Variants in CYB5R4 observed in about 807,000 individuals in gnomAD.
The protein encoded by CYB5R4 is N-terminal cytochrome b5 and cytochrome b5 oxidoreductase domain-containing protein.
In CYB5R4, 55 loss-of-function variants were observed where a neutral mutation model predicts 70.2. That is an observed-to-expected ratio of 0.78 (90% CI 0.63 to 0.98). CYB5R4 has a LOEUF of 0.98. Among genes scored for constraint, CYB5R4 ranks in the 50% least tolerant of loss-of-function variants. The pLI is 0.00. For synonymous variants in CYB5R4, 197 were observed against 199.5 expected (o/e 0.99, Z 0.11); for missense variants, 562 against 612.6 (o/e 0.92, Z 0.87).
chr6:83,865,128 A>G (rs1562825027), intron 2 of CYB5R4, among the ~76,000 whole-genome samples: 1 of 152,192 alleles, frequency 6.6e-6, no homozygotes, highest in Admixed American at 6.5e-5. Flanking sequence ...ACTATAACCT[A>G]TATGAGGGCA....
Position 83,918,024 on chromosome 6 carries a change from A to C in CYB5R4, c.465A>C (p.Gln155His). Reference protein sequence around the residue: ...KVLNGMLPKSQVTDTLAKEGP... With the variant: ...KVLNGMLPKSHVTDTLAKEGP... Reference sequence around the variant, plus strand: ...GTAAAGGCATGCTTCCCAAGAGCCAAGTGACAGATACACTTGCCAAAGAAG... The same window carrying C: ...GTAAAGGCATGCTTCCCAAGAGCCACGTGACAGATACACTTGCCAAAGAAG... The change falls in exon 6 of 16, where the codon CAA (glutamine) becomes CAC (histidine). Residue 155 changes from glutamine to histidine, a missense_variant. Physicochemically the swap from Gln to His is conservative, Grantham distance 24 (BLOSUM62 0). Coordinates refer to ENST00000369681, the MANE Select transcript of CYB5R4 (RefSeq NM_016230.4). 1 of 1,611,512 alleles carries C rather than the reference A, an allele frequency of 6.2e-7. No individual in the cohort carries two copies. Among genetic ancestry groups the C allele is most frequent in the Non-Finnish European group, 8.5e-7 (1 of 1,178,008 alleles).
intron 8 of CYB5R4, among the ~76,000 whole-genome samples, chr6:83,921,404 A>G (rs1032373172): frequency 6.6e-6 from 1 of 152,200 alleles, no homozygotes; most frequent in Admixed American, 6.5e-5. Flanking sequence ...ATCAAAATCA[A>G]TAATATAAAA....
chr6:83,956,576 G>C (rs2099472461), intron 15 of CYB5R4, among the ~76,000 whole-genome samples: 3 of 152,092 alleles, frequency 2.0e-5, no homozygotes, highest in South Asian at 4.1e-4. Flanking sequence ...TTCCTGTTCA[G>C]ACCTTTAAAA....
Position 83,909,213 on chromosome 6 carries a change from G to T in CYB5R4, c.412+123G>T. On this transcript the variant is annotated intron_variant, in intron 4 of 15. Transcript: ENST00000369681. ...GTTTTGTAATTTTCATTGGCCTCCT[G>T]GTCTAGCCACTCCAGAGGTTTTCCT... The T allele has an allele frequency of 3.1e-6, 2 of 638,948 alleles. 1 individual carries two copies. Among genetic ancestry groups the T allele is most frequent in the East Asian group, 5.5e-5 (2 of 36,062 alleles). The allele number at this position is 638,948 out of a possible 1,614,324, so 39.6% of individuals were successfully genotyped here.
intron 14 of CYB5R4, among the ~76,000 whole-genome samples, chr6:83,954,643 AT>A (rs1446728608): frequency 6.6e-6 from 1 of 151,952 alleles, no homozygotes; most frequent in African/African-American, 2.4e-5. Flanking sequence ...AACATGCAAT[AT>A]TTGTTCTTTT....
At chr6:83,950,361 AT>A (rs1251940459) in intron 14 of CYB5R4, among the ~76,000 whole-genome samples, 4 of 152,208 alleles carry the variant, frequency 2.6e-5, no homozygotes, top group Non-Finnish European at 5.9e-5. Flanking sequence ...GATTTAACTA[AT>A]TATGTAAACT....
chr6:83,954,724 T>C (rs2099472067), intron 14 of CYB5R4, among the ~76,000 whole-genome samples: 1 of 151,952 alleles, frequency 6.6e-6, no homozygotes, highest in South Asian at 2.1e-4. Flanking sequence ...TTTATTTCAT[T>C]TATATATTTA....
chr6:83,897,472 C>T (rs143355467), intron 3 of CYB5R4, among the ~76,000 whole-genome samples: 2 of 152,188 alleles, frequency 1.3e-5, no homozygotes, highest in African/African-American at 4.8e-5. Context: ...GGAATTGCCA[C>T]ACTGACTTCC....
chr6:83,904,098 C>T (rs892643787), intron 3 of CYB5R4, among the ~76,000 whole-genome samples: 1 of 151,716 alleles, frequency 6.6e-6, no homozygotes. Context: ...TTGGTTTGTT[C>T]TTGCTTTTCT....
chr6:83,921,241 C>A (rs1432491911), intron 8 of CYB5R4, 66 bp downstream of exon 8: 4 of 1,323,464 alleles, frequency 3.0e-6, no homozygotes, highest in South Asian at 2.9e-5. Context: ...ATAACTTGGT[C>A]TACAGTCTAG....
At chr6:83,871,769 A>G (rs1032565224) in intron 2 of CYB5R4, among the ~76,000 whole-genome samples, 1 of 152,044 alleles carries the variant, frequency 6.6e-6, no homozygotes, top group Non-Finnish European at 1.5e-5. Flanking sequence ...ATATTGGCAT[A>G]TAGTTATTTG....
intron 2 of CYB5R4, among the ~76,000 whole-genome samples, chr6:83,871,122 G>A (rs571627375): frequency 8.6e-5 from 13 of 151,848 alleles, no homozygotes; most frequent in South Asian, 4.2e-4. Context: ...GATTATAGGC[G>A]CCTGCAGCCA....
intron 2 of CYB5R4, among the ~76,000 whole-genome samples, chr6:83,885,805 G>T (rs945081296): frequency 6.6e-5 from 10 of 152,080 alleles, no homozygotes; most frequent in African/African-American, 2.4e-4. Flanking sequence ...ACTATTGCTG[G>T]TAAGAATGGA....
intron 15 of CYB5R4, among the ~76,000 whole-genome samples, chr6:83,958,115 C>T (rs1310369640): frequency 1.3e-5 from 2 of 152,126 alleles, no homozygotes; most frequent in Non-Finnish European, 2.9e-5. Flanking sequence ...GAACATTTGT[C>T]AGTCTGTATG....
intron 2 of CYB5R4, among the ~76,000 whole-genome samples, chr6:83,892,169 C>G (rs941135758): frequency 6.6e-6 from 1 of 152,100 alleles, no homozygotes; most frequent in Non-Finnish European, 1.5e-5. Flanking sequence ...TTTGTTCAGA[C>G]TTATTTGGAA....
At chr6:83,928,956 G>T (rs553615952) in intron 10 of CYB5R4, among the ~76,000 whole-genome samples, 157 of 152,246 alleles carry the variant, frequency 1.0e-3, no homozygotes, top group African/African-American at 3.5e-3. Flanking sequence ...TATTTCTGCT[G>T]TAAATTTTTC....
intron 4 of CYB5R4, among the ~76,000 whole-genome samples, chr6:83,911,974 T>C (rs1040771854): frequency 4.6e-5 from 7 of 151,442 alleles, no homozygotes; most frequent in African/African-American, 1.7e-4. Context: ...AGAGGATTTC[T>C]TGAGCCCACC....
chr6:83,954,952 C>T (rs2099472108), intron 14 of CYB5R4, among the ~76,000 whole-genome samples: 3 of 150,886 alleles, frequency 2.0e-5, no homozygotes, highest in Admixed American at 6.6e-5. Flanking sequence ...CACTGTGTTG[C>T]CCAGGCTGGT....
At position 83,965,191 on chromosome 6, in the gene CYB5R4, AG is replaced by A. The variant is rs992699539; in HGVS notation, c.*5314del. On this transcript the variant is annotated 3_prime_UTR_variant, in exon 16 of 16. Transcript: ENST00000369681. Reference sequence around the variant, plus strand: ...AGAGGACCACTGTCCTCCAGACCCCAGAATGGTAGATCGACTTACAGCTTGT... The same window carrying A: ...AGAGGACCACTGTCCTCCAGACCCCAAATGGTAGATCGACTTACAGCTTGT... The A allele has an allele frequency of 1.3e-5, 2 of 152,270 alleles. No individual in the cohort carries two copies. The highest frequency in any genetic ancestry group is 2.4e-5 in the African/African-American group (1 of 41,456). The allele number at this position is 152,270 out of a possible 1,614,324, so 9.4% of individuals were successfully genotyped here. A position where few individuals can be genotyped will look rare whatever the true frequency, so the allele number is the denominator to read the frequency against.
Sources: allele counts gnomAD v4.1 joint callset (sites outside exome capture counted in the v4.1 genomes callset), GRCh38; gene constraint gnomAD v4.1.1; transcripts MANE v1.5; gene names NCBI Gene and HGNC (gene_info 2026-07-23, HGNC 2026-07-21).